The following ADGB variants were observed in gnomAD, a reference collection of about 807,000 sequenced individuals.
The protein encoded by ADGB is calpain-7-like protein.
In ADGB, 172 loss-of-function variants were observed where a neutral mutation model predicts 210.5. The observed-to-expected ratio is 0.82, with a 90% CI of 0.72 to 0.93. ADGB has a LOEUF of 0.93. Ranked by LOEUF, ADGB falls within the 40% of genes least tolerant of loss-of-function variation. The pLI, the probability that ADGB is intolerant of heterozygous loss-of-function variation, is 0.00. For missense variants in ADGB, 2,025 were observed against 1,964.8 expected (o/e 1.03, Z -0.58); for synonymous variants, 658 against 662.7 (o/e 0.99, Z 0.11).
rs1300771583 is a variant in ADGB, at chr6:146,752,683, C to G, written c.3519C>G (p.Phe1173Leu). The G allele has an allele frequency of 6.5e-7, 1 of 1,550,350 alleles. No individual in the cohort carries two copies. Among genetic ancestry groups the G allele is most frequent in the South Asian group, 1.2e-5 (1 of 83,896 alleles). ...AAGCTATAATCCCAGCATTTCACTT[C>G]TTGAAGAGTGAGAAAGGTTTGAGCT... ...KGQAIIPAFHFLKSEKGLSSQ... is the reference protein window; with the variant it reads ...KGQAIIPAFHLLKSEKGLSSQ... Residue 1173 changes from phenylalanine (F) to leucine (L), a missense_variant, in exon 27 of 36, where the codon TTC (phenylalanine) becomes TTG (leucine). Coordinates refer to ENST00000397944, the MANE Select transcript of ADGB (RefSeq NM_024694.4).
At chr6:146,663,043 A>G (rs189431182) in intron 5 of ADGB, among the ~76,000 whole-genome samples, 345 of 144,556 alleles carry the variant, frequency 2.4e-3, no homozygotes, top group Middle Eastern at 7.2e-3. Flanking sequence ...TCTTAATAAT[A>G]TAGATCAAAA....
intron 26 of ADGB, among the ~76,000 whole-genome samples, chr6:146,749,125 A>G (rs1777284271): frequency 6.6e-6 from 1 of 152,194 alleles, no homozygotes; most frequent in South Asian, 2.1e-4. Flanking sequence ...TAAAATTGAC[A>G]GCCTTGCTGG....
At chr6:146,614,207 CCCTT>C (rs1177746918) in intron 1 of ADGB, among the ~76,000 whole-genome samples, 36 of 132,574 alleles carry the variant, frequency 2.7e-4, no homozygotes, top group Non-Finnish European at 3.0e-4. Flanking sequence ...CTCCCTTCCT[CCCTT>C]CCTTCCTCCC....
chr6:146,677,721 A>C (rs1776104341), intron 9 of ADGB, among the ~76,000 whole-genome samples: 1 of 152,130 alleles, frequency 6.6e-6, no homozygotes, highest in South Asian at 2.1e-4. Flanking sequence ...CAACACATAG[A>C]ATGTGGTTCA....
intron 1 of ADGB, among the ~76,000 whole-genome samples, chr6:146,621,449 C>A (rs1780893346): frequency 6.6e-6 from 1 of 152,032 alleles, no homozygotes; most frequent in Non-Finnish European, 1.5e-5. Context: ...CATGAAGATT[C>A]CAAAAGGTGA....
chr6:146,691,459 A>AATATATATATAAATATAAATATATATAT (rs1776319367), intron 11 of ADGB, among the ~76,000 whole-genome samples, 169 bp downstream of exon 11: 1 of 44,746 alleles, frequency 2.2e-5, no homozygotes, highest in Non-Finnish European at 3.2e-5. Context: ...TATATATATA[A>AATATATATATAAATATAAATATATATAT]AAATATATAT....
intron 9 of ADGB, among the ~76,000 whole-genome samples, chr6:146,676,655 CAGA>C (rs1478410601): frequency 6.6e-6 from 1 of 152,188 alleles, no homozygotes; most frequent in African/African-American, 2.4e-5. Flanking sequence ...GCAATTGTCA[CAGA>C]AGAAGTATCC....
rs900130425 is a variant in ADGB, at chr6:146,654,177, T to C, written c.373T>C (p.Ser125Pro). 1 of 1,545,452 alleles carries C rather than the reference T, an allele frequency of 6.5e-7. No homozygotes were observed. The highest frequency in any genetic ancestry group is 2.5e-5 in the East Asian group (1 of 40,762). The change falls in exon 4 of 36, where the codon TCA becomes CCA. Residue 125 changes from serine (S) to proline (P), a missense_variant. Coordinates refer to ENST00000397944, the MANE Select transcript of ADGB (RefSeq NM_024694.4). Reference protein sequence around the residue: ...VKNEITFDLFSANEHLLCSEL... With the variant: ...VKNEITFDLFPANEHLLCSEL... ...AAATGAAATCACGTTTGACTTATTT[T>C]CAGCAAATGAACATTTACTCTGCAG...
chr6:146,613,044 T>A (rs1429644457), intron 1 of ADGB, among the ~76,000 whole-genome samples: 2 of 152,262 alleles, frequency 1.3e-5, no homozygotes, highest in Admixed American at 6.5e-5. Flanking sequence ...TAAAGTACTT[T>A]GTTTTAAACT....
chr6:146,698,501 A>G (rs182222451), intron 12 of ADGB, among the ~76,000 whole-genome samples: 8 of 152,208 alleles, frequency 5.3e-5, no homozygotes, highest in African/African-American at 1.7e-4. Context: ...TTATAATACT[A>G]AAGATATTCT....
intron 16 of ADGB, among the ~76,000 whole-genome samples, chr6:146,720,203 A>C (rs1378407762): frequency 6.6e-6 from 1 of 152,188 alleles, no homozygotes; most frequent in Non-Finnish European, 1.5e-5. Flanking sequence ...ATAATGCATT[A>C]GTCAAGAGTA....
intron 33 of ADGB, among the ~76,000 whole-genome samples, chr6:146,789,835 A>T (rs540419546): frequency 7.9e-5 from 12 of 152,322 alleles, no homozygotes; most frequent in African/African-American, 2.9e-4. Context: ...AACTCACCCA[A>T]GGGCAGGAAA....
intron 1 of ADGB, among the ~76,000 whole-genome samples, chr6:146,604,490 G>A (rs996971351): frequency 6.6e-6 from 1 of 152,038 alleles, no homozygotes; most frequent in African/African-American, 2.4e-5. Flanking sequence ...TGGTCTCCCT[G>A]GGAGTGGGTG....
At chr6:146,706,084 T>C (rs1281930150) in intron 13 of ADGB, among the ~76,000 whole-genome samples, 1 of 125,752 alleles carries the variant, frequency 8.0e-6, no homozygotes, top group African/African-American at 2.9e-5. Context: ...ACCACCACAC[T>C]TGGTTAATTT....
At position 146,691,226 on chromosome 6, in the gene ADGB, T is replaced by C; in HGVS notation, c.1422T>C (p.Pro474=). 6.5e-7 allele frequency: 1 copy of C among 1,548,338 alleles called. No homozygotes were observed. Among genetic ancestry groups the C allele is most frequent in the Non-Finnish European group, 8.7e-7 (1 of 1,146,180 alleles). The change falls in exon 11 of 36, where the codon CCT becomes CCC. Residue 474 remains proline, a synonymous_variant. Transcript: ENST00000397944. The part of the protein sequence containing the change: ...SCPLVAPPKP[P]PLPPWKLIRQ... ...CTCTGGTAGCACCACCAAAACCACC[T>C]CCTCTACCTCCCTGGAAACTCATTC...
intron 9 of ADGB, among the ~76,000 whole-genome samples, chr6:146,683,799 G>A (rs891800166): frequency 6.6e-6 from 1 of 151,800 alleles, no homozygotes; most frequent in Non-Finnish European, 1.5e-5. Context: ...ATATCATAAG[G>A]AAAATAAAAG....
chr6:146,776,832 G>T (rs962758233), intron 29 of ADGB, among the ~76,000 whole-genome samples: 1 of 151,960 alleles, frequency 6.6e-6, no homozygotes, highest in Non-Finnish European at 1.5e-5. Flanking sequence ...AGCTCTCTGG[G>T]CATGGTGCTA....
intron 7 of ADGB, among the ~76,000 whole-genome samples, chr6:146,668,782 T>C (rs1312936972): frequency 1.3e-5 from 2 of 152,138 alleles, no homozygotes; most frequent in East Asian, 1.9e-4. Flanking sequence ...ATTCATAAAA[T>C]TTTGCCTCGG....
intron 3 of ADGB, among the ~76,000 whole-genome samples, chr6:146,653,118 G>C (rs955316439): frequency 6.6e-6 from 1 of 152,062 alleles, no homozygotes; most frequent in Non-Finnish European, 1.5e-5. Flanking sequence ...GTGTGCATGT[G>C]AGGAATCTAG....
Sources: allele counts gnomAD v4.1 joint callset (sites outside exome capture counted in the v4.1 genomes callset), GRCh38; gene constraint gnomAD v4.1.1; transcripts MANE v1.5; gene names NCBI Gene and HGNC (gene_info 2026-07-23, HGNC 2026-07-21).